The following PDE4D variants were observed in gnomAD, a reference collection of about 807,000 sequenced individuals.
PDE4D encodes phosphodiesterase 4D.
Under a neutral mutation model 87.4 loss-of-function variants are expected in PDE4D, and 24 were observed. The observed-to-expected ratio is 0.27, with a 90% CI of 0.20 to 0.39. PDE4D has a LOEUF of 0.39. Among genes scored for constraint, PDE4D ranks in the 10% least tolerant of loss-of-function variants. The probability of loss-of-function intolerance (pLI) is 1.00; values close to 1 mark genes in which losing one functional copy is unlikely to be tolerated. For missense variants in PDE4D, 714 were observed against 1,041.0 expected, an observed-to-expected ratio of 0.69 and a Z score of 4.32; for synonymous variants, 384 against 383.2, an observed-to-expected ratio of 1.00 and a Z score of -0.02.
intron 1 of PDE4D, among the ~76,000 whole-genome samples, chr5:60,221,589 T>C (rs1744504357): frequency 6.6e-6 from 1 of 152,096 alleles, no homozygotes; most frequent in Non-Finnish European, 1.5e-5. Context: ...CCCAAAAGTT[T>C]CCTTTTACCC....
chr5:60,322,244 C>A (rs993417951), intron 1 of PDE4D, among the ~76,000 whole-genome samples: 1 of 152,022 alleles, frequency 6.6e-6, no homozygotes, highest in African/African-American at 2.4e-5. Flanking sequence ...AGATCATGTC[C>A]TTTGCAGCAA....
At chr5:60,022,420 G>T (rs1239785838) in intron 2 of PDE4D, 1 of 152,130 alleles carries the variant, frequency 6.6e-6, no homozygotes, top group Non-Finnish European at 1.5e-5. Flanking sequence ...CTAGACTCAA[G>T]AATTTTATAT....
intron 1 of PDE4D, among the ~76,000 whole-genome samples, chr5:59,887,731 G>A (rs1750371092): frequency 6.6e-6 from 1 of 152,030 alleles, no homozygotes; most frequent in Non-Finnish European, 1.5e-5. Flanking sequence ...GTGTGTGTGT[G>A]TGTGTGTTTG....
chr5:59,498,255 G>A (rs1415967975), intron 1 of PDE4D, among the ~76,000 whole-genome samples: 1 of 151,306 alleles, frequency 6.6e-6, no homozygotes, highest in Non-Finnish European at 1.5e-5. Flanking sequence ...CAGGCCCTAA[G>A]CAGTGACTGA....
Position 60,335,427 on chromosome 5 carries a change from T to A in PDE4D, c.-89-149740A>T, listed in dbSNP as rs191522471. On this transcript the variant is annotated intron_variant, in intron 1 of 16. Transcript: ENST00000502484. ...CCCAGATACCAAAAGACAGAGGCCCTCTCTCTCCTGATGGTTACTTTTTAG... is the reference window on the plus strand; with the variant it reads ...CCCAGATACCAAAAGACAGAGGCCCACTCTCTCCTGATGGTTACTTTTTAG... 2.3e-3 allele frequency among the ~76,000 whole-genome samples: 345 copies of A among 152,284 alleles called. 1 individual carries two copies. Among genetic ancestry groups the A allele is most frequent in the Non-Finnish European group, 3.1e-3 (208 of 68,022 alleles).
intron 3 of PDE4D, among the ~76,000 whole-genome samples, chr5:59,931,694 C>CT (rs35943138): frequency 0.7 from 87,905 of 126,464 alleles, 32,510 homozygotes; most frequent in East Asian, 0.96. Flanking sequence ...TCTTCTTCTT[C>CT]TTTTTTTTTT....
In PDE4D at chr5:60,455,035, G is replaced by T. The variant is rs251726; in HGVS notation, c.-90+32907C>A. ...ATTTAGAGAAAGAGGAGAGAATTTGGGAAAACAGAAGAGTGTATACAGTAA... is the reference window on the plus strand; with the variant it reads ...ATTTAGAGAAAGAGGAGAGAATTTGTGAAAACAGAAGAGTGTATACAGTAA... On this transcript the variant is annotated intron_variant, in intron 1 of 16. Coordinates refer to the PDE4D transcript ENST00000502484. Among the ~76,000 whole-genome samples, 7 of 151,808 alleles carry T rather than the reference G, an allele frequency of 4.6e-5. No individual in the cohort carries two copies. The South Asian group carries it at 6.3e-4, about 14-fold the overall frequency.
chr5:59,464,870 G>A (rs1801337469), intron 1 of PDE4D, among the ~76,000 whole-genome samples: 1 of 151,952 alleles, frequency 6.6e-6, no homozygotes, highest in African/African-American at 2.4e-5. Context: ...CTATATTCTG[G>A]CAAAAGCATT....
At position 59,726,907 on chromosome 5, in the gene PDE4D, C is replaced by T. The variant is rs1043960485; in HGVS notation, c.455+166261G>A. Among the ~76,000 whole-genome samples, 23 of 152,116 alleles carry T rather than the reference C, an allele frequency of 1.5e-4. No homozygotes were observed. The East Asian group carries it at 4.5e-3, about 29-fold the overall frequency. On this transcript the variant is annotated intron_variant, in intron 1 of 14. Coordinates refer to ENST00000340635, the MANE Select transcript of PDE4D (RefSeq NM_001104631.2). ...TAGCCATCTAGTTTAACTCATTGAT[C>T]ATTTAATTCAACAGAGTTGAGCGCC...
chr5:59,384,988 C>T (rs1786683156), intron 1 of PDE4D, among the ~76,000 whole-genome samples: 1 of 152,002 alleles, frequency 6.6e-6, no homozygotes, highest in African/African-American at 2.4e-5. Context: ...GGCTCAACTT[C>T]TGTTTTGCTA....
intron 1 of PDE4D, among the ~76,000 whole-genome samples, chr5:59,224,804 A>G (rs1466886723): frequency 6.6e-6 from 1 of 152,160 alleles, no homozygotes; most frequent in Non-Finnish European, 1.5e-5. Flanking sequence ...CCATGTGAGG[A>G]CAGAGTGAGA....
chr5:58,987,850 G>A (rs1271217553), intron 11 of PDE4D, among the ~76,000 whole-genome samples: 3 of 152,096 alleles, frequency 2.0e-5, no homozygotes, highest in Admixed American at 2.0e-4. Context: ...TTTACCAAGG[G>A]ATAGCTCAAG....
chr5:60,180,796 T>G (rs1322007810), intron 2 of PDE4D, among the ~76,000 whole-genome samples: 3 of 152,174 alleles, frequency 2.0e-5, no homozygotes, highest in Non-Finnish European at 2.9e-5. Flanking sequence ...GAACTTGGTT[T>G]TGTTTTGTAT....
At chr5:59,927,802 A>G (rs1435075) in intron 3 of PDE4D, among the ~76,000 whole-genome samples, 55,603 of 151,888 alleles carry the variant, frequency 0.37, 12,083 homozygotes, top group East Asian at 0.83. Flanking sequence ...ATTCTACATC[A>G]CTTATACTGA....
At chr5:59,673,670 C>T (rs368230957) in intron 1 of PDE4D, among the ~76,000 whole-genome samples, 25 of 152,258 alleles carry the variant, frequency 1.6e-4, no homozygotes, top group Non-Finnish European at 3.1e-4. Flanking sequence ...TACATTTATG[C>T]ATTTTCTCTC....
intron 1 of PDE4D, among the ~76,000 whole-genome samples, chr5:59,836,471 G>C (rs943146741): frequency 6.6e-6 from 1 of 151,926 alleles, no homozygotes. Flanking sequence ...TAAATATGTC[G>C]ATGGGGAGTC....
intron 1 of PDE4D, among the ~76,000 whole-genome samples, chr5:59,742,729 G>A (rs1759045375): frequency 1.3e-5 from 2 of 151,996 alleles, no homozygotes; most frequent in Admixed American, 6.6e-5. Flanking sequence ...TCCTTATCTG[G>A]GAATTCTGTT....
chr5:60,132,645 A>G (rs1779681760), intron 2 of PDE4D, among the ~76,000 whole-genome samples: 1 of 152,204 alleles, frequency 6.6e-6, no homozygotes, highest in Non-Finnish European at 1.5e-5. Context: ...AGATGAGGAC[A>G]TGGTTAAAAG....
chr5:59,111,419 A>G lies in PDE4D; in HGVS notation c.808+69176T>C, dbSNP rs546139288. Among the ~76,000 whole-genome samples the G allele has an allele frequency of 4.6e-5, 7 of 152,292 alleles. No individual in the cohort carries two copies. In the South Asian group the frequency reaches 1.4e-3, roughly 32 times the overall value. ...GGAAATTCTACAGTTTTCTAGGGAG[A>G]TCATAGAAAGCTATTTAGGATCCCA... On this transcript the variant is annotated intron_variant, in intron 5 of 14. Coordinates refer to ENST00000340635, the MANE Select transcript of PDE4D (RefSeq NM_001104631.2).
Sources: allele counts gnomAD v4.1 joint callset (sites outside exome capture counted in the v4.1 genomes callset), GRCh38; gene constraint gnomAD v4.1.1; transcripts MANE v1.5; gene names NCBI Gene and HGNC (gene_info 2026-07-23, HGNC 2026-07-21).